The following EVA1C variants were observed in gnomAD, a reference collection of about 807,000 sequenced individuals.
The protein encoded by EVA1C is protein eva-1 homolog C.
Under a neutral mutation model 45.4 loss-of-function variants are expected in EVA1C, and 25 were observed. The observed-to-expected ratio is 0.55, with a 90% CI of 0.40 to 0.77. EVA1C has a LOEUF of 0.77. EVA1C is among the 30% of genes least tolerant of loss of function. EVA1C has a pLI of 0.00. For missense variants in EVA1C, 479 were observed against 554.8 expected (o/e 0.86, Z 1.37); for synonymous variants, 190 against 221.2 (o/e 0.86, Z 1.25).
At chr21:32,498,241 G>A (rs774565536) in intron 5 of EVA1C, among the ~76,000 whole-genome samples, 25 of 152,122 alleles carry the variant, frequency 1.6e-4, no homozygotes, top group Non-Finnish European at 3.2e-4. Context: ...GAGGTCAAGA[G>A]TTCGAGACCA....
chr21:32,487,794 C>T lies in EVA1C; in HGVS notation c.635-7233C>T, dbSNP rs544805843. Among the ~76,000 whole-genome samples the T allele has an allele frequency of 9.2e-5, 14 of 151,766 alleles. 1 individual carries two copies. The highest frequency in any genetic ancestry group is 5.8e-4 in the East Asian group (3 of 5,162). ...TCCATGCCCCGTCCCCAAACCTTGC[C>T]GTGTGCATCTCTAACATTCGGCTCC... On this transcript the variant is annotated intron_variant, in intron 4 of 7. Transcript: ENST00000300255.
intron 1 of EVA1C, among the ~76,000 whole-genome samples, chr21:32,419,719 AAAACAAACAAAAAACAAAAAC>A (rs2034189391): frequency 6.6e-6 from 1 of 152,126 alleles, no homozygotes; most frequent in Non-Finnish European, 1.5e-5. Flanking sequence ...TGTAAAAACA[AAAACAAACAAAAAACAAAAAC>A]AAACAAACAA....
chr21:32,471,468 T>A (rs1280238609), intron 4 of EVA1C, among the ~76,000 whole-genome samples: 5 of 150,886 alleles, frequency 3.3e-5, no homozygotes, highest in Non-Finnish European at 5.9e-5. Flanking sequence ...TGGGATTACA[T>A]GTGCATGCCA....
In EVA1C at chr21:32,412,871, C is replaced by G. The variant is rs1299850395; in HGVS notation, c.18C>G (p.Arg6=). MLLPG[R]ARQPPTPQPV... is the part of the protein sequence containing the mutation. ...AGCGCACGATGCTTCTGCCGGGACG[C>G]GCACGCCAACCGCCGACGCCCCAGC... Residue 6 remains arginine (R), a synonymous_variant, in exon 1 of 8, where the codon CGC becomes CGG. Transcript: ENST00000300255. The G allele has an allele frequency of 2.0e-6, 3 of 1,496,530 alleles. No homozygotes were observed. Among genetic ancestry groups the G allele is most frequent in the Non-Finnish European group, 2.7e-6 (3 of 1,128,888 alleles). The allele number at this position is 1,496,530 out of a possible 1,614,324, so 92.7% of individuals were successfully genotyped here. A position where few individuals can be genotyped will look rare whatever the true frequency, so the allele number is the denominator to read the frequency against.
intron 4 of EVA1C, among the ~76,000 whole-genome samples, chr21:32,475,636 C>T (rs772954221): frequency 6.6e-6 from 1 of 152,044 alleles, no homozygotes; most frequent in Non-Finnish European, 1.5e-5. Flanking sequence ...CCGAGCACTT[C>T]CTAATATCTT....
chr21:32,492,455 C>T (rs1171593499), intron 4 of EVA1C, among the ~76,000 whole-genome samples: 2 of 152,036 alleles, frequency 1.3e-5, no homozygotes, highest in Non-Finnish European at 2.9e-5. Context: ...GGAGAGAGGT[C>T]CTGGGAACTG....
At chr21:32,435,928 T>C (rs992965176) in intron 1 of EVA1C, among the ~76,000 whole-genome samples, 8 of 152,282 alleles carry the variant, frequency 5.3e-5, no homozygotes, top group Non-Finnish European at 1.2e-4. Flanking sequence ...CAGATTTAAA[T>C]AGGAACATTG....
chr21:32,433,643 A>C (rs1233482445), intron 1 of EVA1C, among the ~76,000 whole-genome samples: 1 of 152,212 alleles, frequency 6.6e-6, no homozygotes, highest in Non-Finnish European at 1.5e-5. Context: ...CTTTGAAGAA[A>C]ACAACTCGTG....
chr21:32,490,754 T>C (rs1398805809), intron 4 of EVA1C, among the ~76,000 whole-genome samples: 3 of 152,190 alleles, frequency 2.0e-5, no homozygotes, highest in East Asian at 3.8e-4. Context: ...TGGGTTCTCA[T>C]GCACTCATGT....
At chr21:32,460,447 G>T (rs1320362112) in intron 3 of EVA1C, among the ~76,000 whole-genome samples, 1 of 152,140 alleles carries the variant, frequency 6.6e-6, no homozygotes, top group African/African-American at 2.4e-5. Context: ...GCTTGTGTAT[G>T]ATTTGCACAC....
At chr21:32,469,826 G>A (rs532183713) in intron 4 of EVA1C, among the ~76,000 whole-genome samples, 4 of 152,306 alleles carry the variant, frequency 2.6e-5, no homozygotes, top group African/African-American at 7.2e-5. Context: ...CTGATGAGAT[G>A]AGGCCCATCC....
intron 7 of EVA1C, among the ~76,000 whole-genome samples, chr21:32,508,720 A>G (rs2037853029): frequency 6.6e-6 from 1 of 152,194 alleles, no homozygotes; most frequent in South Asian, 2.1e-4. Context: ...TCCTCTCAAC[A>G]GCAATAGGGC....
At chr21:32,492,609 C>A (rs1277028309) in intron 4 of EVA1C, among the ~76,000 whole-genome samples, 1 of 152,100 alleles carries the variant, frequency 6.6e-6, no homozygotes, top group Non-Finnish European at 1.5e-5. Flanking sequence ...ACAGCACCAG[C>A]CCTTGGCCTC....
intron 1 of EVA1C, among the ~76,000 whole-genome samples, chr21:32,420,917 A>G (rs1434450564): frequency 6.6e-6 from 1 of 152,256 alleles, no homozygotes; most frequent in Admixed American, 6.5e-5. Flanking sequence ...CATGCAGTTT[A>G]AAGCAGTGGC....
chr21:32,412,884 C>T lies in EVA1C; in HGVS notation c.31C>T (p.Pro11Ser), dbSNP rs1301177693. 3.3e-6 allele frequency: 5 copies of T among 1,502,924 alleles called. No homozygotes were observed. Among genetic ancestry groups the T allele is most frequent in the Non-Finnish European group, 4.4e-6 (5 of 1,131,362 alleles). 93.1% of individuals were successfully genotyped at this position (1,502,924 alleles called of 1,614,324 possible). ...TCTGCCGGGACGCGCACGCCAACCG[C>T]CGACGCCCCAGCCCGTGCAGCATCC... MLLPGRARQP[P>S]TPQPVQHPGL... Residue 11 changes from proline to serine, a missense_variant, in exon 1 of 8, where the codon CCG (proline) becomes TCG (serine). Physicochemically the swap from Pro to Ser is moderately conservative, Grantham distance 74 (BLOSUM62 -1). Around this residue, in one of 3 missense-constraint regions of EVA1C, gnomAD observed 80 missense variants for 63.8 expected, o/e 1.25. Coordinates refer to ENST00000300255, the MANE Select transcript of EVA1C (RefSeq NM_058187.5).
chr21:32,462,385 T>C (rs565670822), intron 3 of EVA1C, among the ~76,000 whole-genome samples: 9 of 152,248 alleles, frequency 5.9e-5, no homozygotes, highest in Non-Finnish European at 1.2e-4. Context: ...CAGGGTGAGA[T>C]TTATTTACTA....
rs1343358683 is a variant in EVA1C, at chr21:32,475,931, A to ATCTATC, written c.634+8084_634+8085insCTATCT. Among the ~76,000 whole-genome samples the ATCTATC allele has an allele frequency of 5.8e-4, 75 of 130,240 alleles. No individual in the cohort carries two copies. In the East Asian group the frequency reaches 6.2e-3, roughly 11 times the overall value. 85.4% of individuals were successfully genotyped at this position (130,240 alleles called of 152,430 possible). A position where few individuals can be genotyped will look rare whatever the true frequency, so the allele number is the denominator to read the frequency against. ...TCTATCTATCTATCTATCTATCTATATAAACAGGAATGTATAACTGTGGTT... is the reference window on the plus strand; with the variant it reads ...TCTATCTATCTATCTATCTATCTATATCTATCTAAACAGGAATGTATAACTGTGGTT... On this transcript the variant is annotated intron_variant, in intron 4 of 7. Coordinates refer to ENST00000300255, the MANE Select transcript of EVA1C (RefSeq NM_058187.5).
intron 1 of EVA1C, among the ~76,000 whole-genome samples, chr21:32,419,184 A>G (rs1330437144): frequency 1.3e-5 from 2 of 152,070 alleles, no homozygotes; most frequent in Non-Finnish European, 2.9e-5. Flanking sequence ...TGTTGCGTAG[A>G]TGAGTTCATG....
intron 1 of EVA1C, among the ~76,000 whole-genome samples, chr21:32,445,407 G>T (rs1022533589): frequency 6.6e-6 from 1 of 152,154 alleles, no homozygotes; most frequent in Admixed American, 6.5e-5. Context: ...GGCCTGCAAG[G>T]AATCTCCTTG....
Sources: allele counts gnomAD v4.1 joint callset (sites outside exome capture counted in the v4.1 genomes callset), GRCh38; gene constraint gnomAD v4.1.1; regional missense constraint gnomAD v4.1.1; transcripts MANE v1.5; gene names NCBI Gene and HGNC (gene_info 2026-07-23, HGNC 2026-07-21).